Variants in PEX11A observed in about 807,000 individuals in gnomAD.
PEX11A encodes peroxisomal biogenesis factor 11 alpha, also known as peroxisomal membrane protein 11A.
Under a neutral mutation model 14.4 loss-of-function variants are expected in PEX11A, and 13 were observed. That is an observed-to-expected ratio of 0.90 (90% CI 0.59 to 1.43). The LOEUF (loss-of-function observed/expected upper bound fraction) is 1.43. Ranked by LOEUF, PEX11A falls within the 40% of genes most tolerant of loss-of-function variation. The probability of loss-of-function intolerance (pLI) is 0.00; values close to 1 mark genes in which losing one functional copy is unlikely to be tolerated. For missense variants in PEX11A, 290 were observed against 302.8 expected (o/e 0.96, Z 0.31); for synonymous variants, 101 against 113.0 (o/e 0.89, Z 0.67).
At chr15:89,684,430 C>T (rs2141548966) in intron 2 of PEX11A, among the ~76,000 whole-genome samples, 1 of 152,252 alleles carries the variant, frequency 6.6e-6, no homozygotes, top group South Asian at 2.1e-4. Context: ...TGATTATTTA[C>T]CAGCTACACT....
At position 89,683,564 on chromosome 15, in the gene PEX11A, C is replaced by G; in HGVS notation, c.557G>C (p.Arg186Pro). The G allele has an allele frequency of 6.2e-7, 1 of 1,614,134 alleles. No individual in the cohort carries two copies. Residue 186 changes from arginine to proline, a missense_variant, in exon 3 of 3, where the codon CGA (arginine) becomes CCA (proline). Transcript: ENST00000300056. Reference protein sequence around the residue: ...WLQSFLLLLFRSLKQHPPLLL... With the variant: ...WLQSFLLLLFPSLKQHPPLLL... ...CAAGGGAGGATGCTGCTTCAGAGATCGGAATAAAAGAAGTAGAAAGGATTG... is the reference window on the plus strand; with the variant it reads ...CAAGGGAGGATGCTGCTTCAGAGATGGGAATAAAAGAAGTAGAAAGGATTG...
At position 89,683,922 on chromosome 15, in the gene PEX11A, C is replaced by T; in HGVS notation, c.199G>A (p.Ala67Thr). ...ATGCTCTGCTCAGTTGCCTGTATAG[C>T]ATGTACCACATTGCCTAGTCTGAAC... ...KWFRLGNVVH[A>T]IQATEQSIHA... Residue 67 changes from alanine to threonine, a missense_variant, in exon 3 of 3, where the codon GCT (alanine) becomes ACT (threonine). By Grantham distance (58) the Ala-to-Thr change is moderately conservative. Coordinates refer to ENST00000300056, the MANE Select transcript of PEX11A (RefSeq NM_003847.3). 2 of 1,613,046 alleles carry T rather than the reference C, an allele frequency of 1.2e-6. No individual in the cohort carries two copies. Among genetic ancestry groups the T allele is most frequent in the Non-Finnish European group, 1.7e-6 (2 of 1,179,234 alleles).
Position 89,683,596 on chromosome 15 carries a change from T to C in PEX11A, c.525A>G (p.Glu175=). The part of the protein sequence containing the change: ...LWFSVAEEET[E]WLQSFLLLLF... The stretch of plus-strand genomic sequence containing the variant: ...AAAGAAGTAGAAAGGATTGGAGCCA[T>C]TCTGTTTCCTCCTCAGCCACGCTGA... Residue 175 remains glutamate (E), a synonymous_variant, in exon 3 of 3, where the codon GAA becomes GAG. Coordinates refer to ENST00000300056, the MANE Select transcript of PEX11A (RefSeq NM_003847.3). The C allele has an allele frequency of 6.2e-7, 1 of 1,614,166 alleles. No homozygotes were observed. The highest frequency in any genetic ancestry group is 1.3e-5 in the African/African-American group (1 of 75,058).
intron 2 of PEX11A, among the ~76,000 whole-genome samples, chr15:89,685,243 T>C (rs1454174980): frequency 6.6e-6 from 1 of 150,870 alleles, no homozygotes; most frequent in Non-Finnish European, 1.5e-5. Context: ...TTTTGTATTA[T>C]GTTATCAAAA....
In PEX11A at chr15:89,690,548, G is replaced by C. The variant is rs1421991524; in HGVS notation, c.56+29C>G. ...ACGGGAGCCGAGTTAGGGCGAGAAAGGGGCGGAGGCCGCTGGCACCTGACT... is the reference window on the plus strand; with the variant it reads ...ACGGGAGCCGAGTTAGGGCGAGAAACGGGCGGAGGCCGCTGGCACCTGACT... On this transcript the variant is annotated intron_variant, in intron 1 of 2. Coordinates refer to ENST00000300056, the MANE Select transcript of PEX11A (RefSeq NM_003847.3). The C allele has an allele frequency of 3.9e-6, 6 of 1,537,844 alleles. No individual in the cohort carries two copies. The African/African-American group carries it at 6.9e-5, about 18-fold the overall frequency.
chr15:89,685,386 C>T (rs911345267), intron 2 of PEX11A, among the ~76,000 whole-genome samples: 2 of 151,932 alleles, frequency 1.3e-5, no homozygotes, highest in Admixed American at 6.6e-5. Flanking sequence ...GACTAGTGAC[C>T]TCTAAAGGAC....
Position 89,683,679 on chromosome 15 carries a change from G to A in PEX11A, c.442C>T (p.Arg148Ter), listed in dbSNP as rs764851981. 46 of 1,614,058 alleles carry A rather than the reference G, an allele frequency of 2.8e-5. No individual in the cohort carries two copies. The highest frequency in any genetic ancestry group is 8.0e-5 in the African/African-American group (6 of 75,052). Residue 148 changes from arginine (R) to a stop codon, truncating the protein, a stop_gained, in exon 3 of 3, where the codon CGA (arginine) becomes TGA (stop). Coordinates refer to ENST00000300056, the MANE Select transcript of PEX11A (RefSeq NM_003847.3). LOFTEE classifies it high-confidence loss of function. ...TTCTTTGCCCTGTCACATGTAACTC[G>A]TTTCATCTGCAGGGAGATTTCATAC... ...DLYEISLQMKRVTCDRAKKEK... is the reference protein window; with the variant it reads ...DLYEISLQMK
At chr15:89,688,472 A>T (rs886747000) in intron 1 of PEX11A, among the ~76,000 whole-genome samples, 1 of 151,966 alleles carries the variant, frequency 6.6e-6, no homozygotes, top group Non-Finnish European at 1.5e-5. Context: ...GGCTCTCTGC[A>T]AACTCCGCCT....
intron 1 of PEX11A, among the ~76,000 whole-genome samples, chr15:89,688,957 GC>G (rs1430889905): frequency 6.6e-6 from 1 of 151,800 alleles, no homozygotes; most frequent in East Asian, 1.9e-4. Flanking sequence ...TTTGTGATCC[GC>G]CCACCTCAGC....
intron 2 of PEX11A, among the ~76,000 whole-genome samples, chr15:89,685,638 C>T (rs532865242): frequency 6.6e-6 from 1 of 151,992 alleles, no homozygotes; most frequent in Non-Finnish European, 1.5e-5. Context: ...CCTCAAGTTC[C>T]ACCTCCTCTA....
intron 1 of PEX11A, among the ~76,000 whole-genome samples, chr15:89,687,177 C>T (rs1964690789): frequency 6.6e-6 from 1 of 152,130 alleles, no homozygotes; most frequent in Non-Finnish European, 1.5e-5. Flanking sequence ...CCCTACTCAA[C>T]CTCCCAAAGT....
At chr15:89,690,512 G>A (rs1312116289) in intron 1 of PEX11A, 65 bp downstream of exon 1, 2 of 1,248,002 alleles carry the variant, frequency 1.6e-6, no homozygotes, top group Non-Finnish European at 2.3e-6. Context: ...CCCGGGTGCA[G>A]GGGAATAGGC....
rs541326886 is a variant in PEX11A at position 89,686,415 on chromosome 15, G to A, written c.172+16C>T. 9.7e-5 allele frequency: 109 copies of A among 1,128,924 alleles called. No homozygotes were observed. The highest frequency in any genetic ancestry group is 1.9e-4 in the Middle Eastern group (1 of 5,146). The allele number at this position is 1,128,924 out of a possible 1,614,324, so 69.9% of individuals were successfully genotyped here. A position where few individuals can be genotyped will look rare whatever the true frequency, so the allele number is the denominator to read the frequency against. On this transcript the variant is annotated intron_variant, in intron 2 of 2. Transcript: ENST00000300056. ...TAAACCAGGAGTCACTGTCCCTCAA[G>A]AAACAGGGTACTTACATTTACGACC... is the stretch of plus-strand genomic sequence containing the variant.
chr15:89,689,760 T>G (rs1306252839), intron 1 of PEX11A, among the ~76,000 whole-genome samples: 1 of 152,238 alleles, frequency 6.6e-6, no homozygotes, highest in Non-Finnish European at 1.5e-5. Flanking sequence ...TTTACAAAAC[T>G]ATTCCACATG....
chr15:89,686,665 T>C (rs1202432040), intron 1 of PEX11A, 119 bp from the exon 2 acceptor site: 7 of 592,934 alleles, frequency 1.2e-5, no homozygotes, highest in South Asian at 2.1e-5. Context: ...CCATTTCTCA[T>C]GTAGCAACTC....
chr15:89,690,455 G>A, intron 1 of PEX11A, 122 bp downstream of exon 1: 1 of 693,986 alleles, frequency 1.4e-6, no homozygotes, highest in African/African-American at 1.8e-5. Flanking sequence ...CGTAGGAGCT[G>A]GCAACGTCCT....
In PEX11A at chr15:89,681,756, G is replaced by C. The variant is rs150943676; in HGVS notation, c.*1621C>G. 3,698 of 481,884 alleles carry C rather than the reference G, an allele frequency of 7.7e-3. 35 individuals carry two copies. The highest frequency in any genetic ancestry group is 9.9e-3 in the Non-Finnish European group (2,681 of 271,768). 29.9% of individuals were successfully genotyped at this position (481,884 alleles called of 1,614,324 possible). A position where few individuals can be genotyped will look rare whatever the true frequency, so the allele number is the denominator to read the frequency against. ...AATCTCAATCACATTTCTGGGAAAT[G>C]TGACTTATTGAGTACATATTTATTT... On this transcript the variant is annotated 3_prime_UTR_variant, in exon 3 of 3. Coordinates refer to ENST00000300056, the MANE Select transcript of PEX11A (RefSeq NM_003847.3).
intron 1 of PEX11A, among the ~76,000 whole-genome samples, chr15:89,688,979 G>A (rs991562316): frequency 1.3e-5 from 2 of 152,168 alleles, no homozygotes; most frequent in African/African-American, 4.8e-5. Flanking sequence ...CTCCCAAAGT[G>A]CTGGGATTAC....
rs1964816530 is a variant in PEX11A, at chr15:89,690,586, CG to C, written c.46del (p.Arg16AspfsTer17). On this transcript the variant is annotated frameshift_variant, in exon 1 of 3. Transcript: ENST00000300056. LOFTEE classifies it high-confidence loss of function. ...RFTNQTQGRD[R>X]LFRATQYTCM... ...CTGGCACCTGACTCACCTGAAGAGT[CG>C]GTCCCGGCCCTGGGTCTGGTTGGTG... The C allele has an allele frequency of 6.4e-7, 1 of 1,551,104 alleles. No homozygotes were observed. Among genetic ancestry groups the C allele is most frequent in the Admixed American group, 2.0e-5 (1 of 50,980 alleles).
Sources: allele counts gnomAD v4.1 joint callset (sites outside exome capture counted in the v4.1 genomes callset), GRCh38; gene constraint gnomAD v4.1.1; transcripts MANE v1.5; gene names NCBI Gene and HGNC (gene_info 2026-07-23, HGNC 2026-07-21).